TENM3: variants seen among roughly 807,000 people sequenced by gnomAD.
TENM3 encodes teneurin-3.
Under a neutral mutation model 255.1 loss-of-function variants are expected in TENM3, and 63 were observed. The ratio of observed to expected loss-of-function variants is 0.25; its 90% CI spans 0.20 to 0.30. TENM3 has a LOEUF of 0.30. TENM3 is among the 10% of genes least tolerant of loss of function. The probability of loss-of-function intolerance (pLI) is 1.00; values close to 1 mark genes in which losing one functional copy is unlikely to be tolerated. For synonymous variants in TENM3, 1,306 were observed against 1,322.3 expected (o/e 0.99, Z 0.27); for missense variants, 2,929 against 3,461.1 (o/e 0.85, Z 3.86).
At chr4:181,540,214 T>A in the TENM3 span, among the ~76,000 whole-genome samples, 1 of 152,080 alleles carries the variant, frequency 6.6e-6, no homozygotes, top group Non-Finnish European at 1.5e-5. Context: ...GCTGAAGCAA[T>A]TGGAGCAACG....
chr4:181,818,669 G>A, the TENM3 span, among the ~76,000 whole-genome samples: 2 of 150,962 alleles, frequency 1.3e-5, no homozygotes, highest in Admixed American at 6.6e-5. Context: ...GAGTGCAGTG[G>A]TGTGATCTCA....
chr4:182,275,546 T>G (rs1366936859), intron 1 of TENM3, among the ~76,000 whole-genome samples: 1 of 152,150 alleles, frequency 6.6e-6, no homozygotes, highest in Non-Finnish European at 1.5e-5. Flanking sequence ...TAAAGATCCT[T>G]GTTTTCGTGA....
the TENM3 span, among the ~76,000 whole-genome samples, chr4:181,777,368 G>C: frequency 1.3e-5 from 2 of 151,962 alleles, no homozygotes; most frequent in African/African-American, 2.4e-5. Flanking sequence ...CATTCTTTTT[G>C]CTCAGGATTA....
At chr4:182,271,811 C>T (rs991791688) in intron 1 of TENM3, among the ~76,000 whole-genome samples, 3 of 152,138 alleles carry the variant, frequency 2.0e-5, no homozygotes, top group South Asian at 2.1e-4. Flanking sequence ...AAGTCAATGT[C>T]GAAGAAAGGA....
At chr4:181,946,264 G>T in the TENM3 span, among the ~76,000 whole-genome samples, 1 of 152,284 alleles carries the variant, frequency 6.6e-6, no homozygotes, top group East Asian at 1.9e-4. Flanking sequence ...TTCTCCAAAA[G>T]TCTAACCAAG....
chr4:181,956,422 G>A, the TENM3 span, among the ~76,000 whole-genome samples: 3 of 152,196 alleles, frequency 2.0e-5, no homozygotes, highest in African/African-American at 7.2e-5. Context: ...CTCATGGTAT[G>A]AGTATCTATG....
At chr4:181,625,017 T>C in the TENM3 span, among the ~76,000 whole-genome samples, 1 of 151,752 alleles carries the variant, frequency 6.6e-6, no homozygotes, top group African/African-American at 2.4e-5. Flanking sequence ...AAAGCCTTCT[T>C]GAGGAGAAGC....
chr4:181,779,559 A>G, the TENM3 span, among the ~76,000 whole-genome samples: 7 of 152,136 alleles, frequency 4.6e-5, no homozygotes, highest in African/African-American at 1.4e-4. Flanking sequence ...TGATTTTATT[A>G]TACATTTAAA....
chr4:182,699,970 C>A (rs1288013219), intron 12 of TENM3, among the ~76,000 whole-genome samples: 1 of 151,836 alleles, frequency 6.6e-6, no homozygotes, highest in Non-Finnish European at 1.5e-5. Context: ...TCATCAGAAG[C>A]CTTTTATTGA....
At chr4:182,477,523 G>A (rs1297418823) in intron 3 of TENM3, among the ~76,000 whole-genome samples, 1 of 152,130 alleles carries the variant, frequency 6.6e-6, no homozygotes, top group Non-Finnish European at 1.5e-5. Context: ...GAATGGGTCT[G>A]CATAGGGCCC....
At chr4:182,098,550 G>A in the TENM3 span, among the ~76,000 whole-genome samples, 975 of 152,258 alleles carry the variant, frequency 6.4e-3, 21 homozygotes, top group East Asian at 0.074. Flanking sequence ...GGTGGAAGTG[G>A]GGGTTATGTA....
chr4:181,532,327 C>T, the TENM3 span, among the ~76,000 whole-genome samples: 1 of 152,118 alleles, frequency 6.6e-6, no homozygotes, highest in Non-Finnish European at 1.5e-5. Flanking sequence ...GATTAGGACC[C>T]TGCCAGATTT....
At chr4:182,403,541 A>G (rs1226242946) in intron 3 of TENM3, among the ~76,000 whole-genome samples, 2 of 152,196 alleles carry the variant, frequency 1.3e-5, no homozygotes, top group Non-Finnish European at 2.9e-5. Context: ...CGAAGCTGAA[A>G]CATCAGACTG....
chr4:181,912,255 G>A, the TENM3 span, among the ~76,000 whole-genome samples: 2,159 of 152,264 alleles, frequency 0.014, 45 homozygotes, highest in African/African-American at 0.049. Flanking sequence ...CTGATAGGAT[G>A]GGTCTCAAAG....
At chr4:181,730,883 A>G in the TENM3 span, among the ~76,000 whole-genome samples, 1 of 152,186 alleles carries the variant, frequency 6.6e-6, no homozygotes, top group Non-Finnish European at 1.5e-5. Flanking sequence ...GTTTCACAAG[A>G]TAAGATCGGC....
intron 3 of TENM3, among the ~76,000 whole-genome samples, chr4:182,354,194 G>A (rs982642301): frequency 2.0e-5 from 3 of 152,108 alleles, no homozygotes; most frequent in African/African-American, 7.2e-5. Context: ...TGTTCTAAGT[G>A]TTTTTGTTAA....
the TENM3 span, among the ~76,000 whole-genome samples, chr4:181,601,524 G>A: frequency 6.6e-6 from 1 of 152,018 alleles, no homozygotes; most frequent in Non-Finnish European, 1.5e-5. Flanking sequence ...GTATCTCTAT[G>A]TCCTAATGTC....
the TENM3 span, among the ~76,000 whole-genome samples, chr4:181,974,849 G>C: frequency 6.6e-6 from 1 of 152,124 alleles, no homozygotes; most frequent in Non-Finnish European, 1.5e-5. Flanking sequence ...CATATGTAAT[G>C]GTGGAGAGTG....
chr4:181,684,773 G>C, the TENM3 span, among the ~76,000 whole-genome samples: 1 of 151,980 alleles, frequency 6.6e-6, no homozygotes, highest in Admixed American at 6.6e-5. Flanking sequence ...GTTTTGTTTT[G>C]AGGTGGAGTC....
Sources: allele counts gnomAD v4.1 joint callset (sites outside exome capture counted in the v4.1 genomes callset), GRCh38; gene constraint gnomAD v4.1.1; transcripts MANE v1.5; gene names NCBI Gene and HGNC (gene_info 2026-07-23, HGNC 2026-07-21).